ENPP3: variants seen among roughly 807,000 people sequenced by gnomAD.
The protein encoded by ENPP3 is ectonucleotide pyrophosphatase/phosphodiesterase family member 3.
In ENPP3, 104 loss-of-function variants were observed where a neutral mutation model predicts 117.8. That is an observed-to-expected ratio of 0.88 (90% CI 0.75 to 1.04). The LOEUF (loss-of-function observed/expected upper bound fraction) is 1.04. Among genes scored for constraint, ENPP3 ranks in the 50% least tolerant of loss-of-function variants. The pLI, the probability that ENPP3 is intolerant of heterozygous loss-of-function variation, is 0.00. For missense variants in ENPP3, 1,026 were observed against 1,051.9 expected, an observed-to-expected ratio of 0.98 and a Z score of 0.34; for synonymous variants, 380 against 349.9, an observed-to-expected ratio of 1.09 and a Z score of -0.96.
rs1210216821 is a variant in ENPP3 at position 131,654,360 on chromosome 6, C to T, written c.464+1469C>T. On this transcript the variant is annotated intron_variant, in intron 5 of 24. Transcript: ENST00000357639. ...CTCACTATGTTGCCCAGACTGGACT[C>T]GAACTCCTGAACTCAACTGATCCTC... Among the ~76,000 whole-genome samples, 3 of 142,076 alleles carry T rather than the reference C, an allele frequency of 2.1e-5. No homozygotes were observed. In the Admixed American group the frequency reaches 2.1e-4, roughly 10 times the overall value. 93.2% of individuals were successfully genotyped at this position (142,076 alleles called of 152,430 possible).
intron 11 of ENPP3, among the ~76,000 whole-genome samples, chr6:131,678,895 T>TTCTTTCTTTCTC (rs1364392716): frequency 4.2e-5 from 6 of 141,646 alleles, no homozygotes; most frequent in South Asian, 2.3e-4. Flanking sequence ...TCTTTTCCCT[T>TTCTTTCTTTCTC]TCTTTCTTTC....
chr6:131,683,985 T>C (rs1779091314), intron 12 of ENPP3, among the ~76,000 whole-genome samples: 1 of 152,042 alleles, frequency 6.6e-6, no homozygotes, highest in South Asian at 2.1e-4. Flanking sequence ...TCTCCTGACT[T>C]TGTGATCCGC....
At chr6:131,735,111 G>A (rs913411978) in intron 21 of ENPP3, among the ~76,000 whole-genome samples, 6 of 151,716 alleles carry the variant, frequency 4.0e-5, no homozygotes, top group Non-Finnish European at 7.4e-5. Context: ...TTGGAAGGTC[G>A]AGGCAGGAAG....
At chr6:131,687,249 G>A (rs1424730568) in intron 14 of ENPP3, among the ~76,000 whole-genome samples, 1 of 152,036 alleles carries the variant, frequency 6.6e-6, no homozygotes, top group Non-Finnish European at 1.5e-5. Flanking sequence ...GTTTTGATTT[G>A]CTGACAAAAA....
intron 9 of ENPP3, among the ~76,000 whole-genome samples, chr6:131,676,293 C>T (rs10457574): frequency 0.082 from 12,265 of 150,218 alleles, 865 homozygotes; most frequent in East Asian, 0.33. Context: ...CCTTTTAATA[C>T]GCTATATAAT....
rs551518478 is a variant in ENPP3 at position 131,684,035 on chromosome 6, G to A, written c.1120+873G>A. Among the ~76,000 whole-genome samples, 827 of 152,148 alleles carry A rather than the reference G, an allele frequency of 5.4e-3. 4 individuals carry two copies. Among genetic ancestry groups the A allele is most frequent in the African/African-American group, 0.017 (697 of 41,504 alleles). On this transcript the variant is annotated intron_variant, in intron 12 of 24. Coordinates refer to ENST00000357639, the MANE Select transcript of ENPP3 (RefSeq NM_005021.5). Reference sequence around the variant, plus strand: ...CAAAGTGCTGGGATTACAGGAGTGCGCCACCGGGCCTGTCCTCTACAGATA... The same window carrying A: ...CAAAGTGCTGGGATTACAGGAGTGCACCACCGGGCCTGTCCTCTACAGATA...
chr6:131,661,472 G>C (rs866770937), intron 6 of ENPP3, among the ~76,000 whole-genome samples: 1 of 151,484 alleles, frequency 6.6e-6, no homozygotes, highest in South Asian at 2.1e-4. Context: ...TTGTTATTAT[G>C]TTAGAGATGA....
Position 131,742,176 on chromosome 6 carries a change from A to C in ENPP3, c.2457+1796A>C, listed in dbSNP as rs566851097. Among the ~76,000 whole-genome samples the C allele has an allele frequency of 4.7e-4, 71 of 152,306 alleles. 1 individual carries two copies. In the South Asian group the frequency reaches 0.014, roughly 30 times the overall value. ...AAATGAGGAAGAAGAGTTTCTGAAC[A>C]GGAAACTATCAGGAGATGTTGTTGA... On this transcript the variant is annotated intron_variant, in intron 24 of 24. Coordinates refer to ENST00000357639, the MANE Select transcript of ENPP3 (RefSeq NM_005021.5).
At chr6:131,666,733 T>G (rs1778623733) in intron 6 of ENPP3, among the ~76,000 whole-genome samples, 2 of 152,218 alleles carry the variant, frequency 1.3e-5, no homozygotes, top group African/African-American at 4.8e-5. Flanking sequence ...TTCCTGAAGA[T>G]TTATCTTGTT....
chr6:131,732,921 G>GA (rs1780317507), intron 20 of ENPP3, among the ~76,000 whole-genome samples: 1 of 139,510 alleles, frequency 7.2e-6, no homozygotes, highest in African/African-American at 3.0e-5. Context: ...GTAGAGACGG[G>GA]GTTCACCATG....
rs763353328 is a variant in ENPP3 at position 131,674,275 on chromosome 6, G to A, written c.756G>A (p.Gly252=). The A allele has an allele frequency of 1.9e-6, 3 of 1,613,654 alleles. No individual in the cohort carries two copies. Among genetic ancestry groups the A allele is most frequent in the Admixed American group, 3.3e-5 (2 of 59,994 alleles). ...AAAATAATCCAGCCTGGTGGCATGG[G>A]CAACCAGTATGTAGCATTCTACACG... The part of the protein sequence containing the change: ...KEQNNPAWWH[G]QPMWLTAMYQ... The change falls in exon 8 of 25, where the codon GGG becomes GGA. Residue 252 remains glycine (G), a synonymous_variant. Coordinates refer to ENST00000357639, the MANE Select transcript of ENPP3 (RefSeq NM_005021.5).
chr6:131,677,391 A>G (rs1243470415), intron 10 of ENPP3, among the ~76,000 whole-genome samples: 1 of 152,194 alleles, frequency 6.6e-6, no homozygotes, highest in Non-Finnish European at 1.5e-5. Flanking sequence ...AGCTGGGAGC[A>G]GGCCTGACAC....
chr6:131,662,907 CTTAG>C (rs1451274925), intron 6 of ENPP3, among the ~76,000 whole-genome samples: 6 of 152,080 alleles, frequency 3.9e-5, no homozygotes, highest in South Asian at 4.1e-4. Context: ...CTTTCACTTT[CTTAG>C]TTAAATTTAT....
chr6:131,677,377 G>A (rs190795644), intron 10 of ENPP3, among the ~76,000 whole-genome samples: 1 of 152,310 alleles, frequency 6.6e-6, no homozygotes, highest in Non-Finnish European at 1.5e-5. Context: ...ATGGAATGGA[G>A]CAGAGCTGGG....
chr6:131,652,701 C>A, intron 4 of ENPP3, 34 bp downstream of exon 4: 2 of 1,613,060 alleles, frequency 1.2e-6, no homozygotes, highest in Non-Finnish European at 1.7e-6. Flanking sequence ...TTTGCCCCTG[C>A]GAGTTTAGAG....
chr6:131,720,303 G>T lies in ENPP3; in HGVS notation c.1491G>T (p.Leu497=). Residue 497 remains leucine, a synonymous_variant, in exon 17 of 25, where the codon CTG becomes CTT. Transcript: ENST00000357639. ...CTATTATGACCTAGGCTATCTTTCT[G>T]GCACATGGACCCAGTTTTAAAGAGA... ...NEFRSMEAIF[L]AHGPSFKEKT... 6.3e-7 allele frequency: 1 copy of T among 1,588,838 alleles called. No homozygotes were observed. Among genetic ancestry groups the T allele is most frequent in the Non-Finnish European group, 8.6e-7 (1 of 1,163,900 alleles).
At chr6:131,724,133 C>T in intron 19 of ENPP3, 42 bp downstream of exon 19, 1 of 1,388,788 alleles carries the variant, frequency 7.2e-7, no homozygotes, top group Non-Finnish European at 1.0e-6. Context: ...ATATTTAGAC[C>T]TAACAAAACA....
intron 6 of ENPP3, among the ~76,000 whole-genome samples, chr6:131,659,028 G>T (rs958237489): frequency 9.9e-5 from 15 of 152,186 alleles, no homozygotes; most frequent in Admixed American, 5.2e-4. Context: ...ATAGCTGTTT[G>T]ATATGTGGCA....
At position 131,720,345 on chromosome 6, in the gene ENPP3, ATT is replaced by A. The variant is rs1779987975; in HGVS notation, c.1535_1536del (p.Phe512Ter). The stretch of plus-strand genomic sequence containing the variant: ...TTAAAGAGAAGACTGAAGTTGAACC[ATT>A]TGAAAATATTGAAGTCTATAACCTA... ...SFKEKTEVEP[F>X]ENIEVYNLMC... On this transcript the variant is annotated frameshift_variant, in exon 17 of 25. Transcript: ENST00000357639. LOFTEE classifies it high-confidence loss of function. The A allele has an allele frequency of 6.3e-7, 1 of 1,598,024 alleles. No individual in the cohort carries two copies. Among genetic ancestry groups the A allele is most frequent in the African/African-American group, 1.3e-5 (1 of 74,224 alleles).
Sources: gnomAD v4.1 joint callset for allele counts (sites outside exome capture counted in the v4.1 genomes callset) on GRCh38, gnomAD v4.1.1 for gene constraint, MANE v1.5 for transcripts, NCBI Gene and HGNC (gene_info 2026-07-23, HGNC 2026-07-21) for gene names.